PLCL1: variants seen among roughly 807,000 people sequenced by gnomAD.
PLCL1 encodes inactive phospholipase C-like protein 1.
PLCL1 carries 41 observed loss-of-function variants against 84.4 expected under a neutral mutation model. The ratio of observed to expected loss-of-function variants is 0.49; its 90% confidence interval spans 0.38 to 0.63. The LOEUF (loss-of-function observed/expected upper bound fraction) is 0.63. Among genes scored for constraint, PLCL1 ranks in the 30% least tolerant of loss-of-function variants. The pLI, the probability that PLCL1 is intolerant of heterozygous loss-of-function variation, is 0.00. For missense variants in PLCL1, 1,206 were observed against 1,367.8 expected (o/e 0.88, Z 1.87); for synonymous variants, 490 against 488.3 (o/e 1.00, Z -0.05).
At chr2:197,934,369 C>T (rs986859975) in intron 1 of PLCL1, among the ~76,000 whole-genome samples, 26 of 152,306 alleles carry the variant, frequency 1.7e-4, no homozygotes, top group African/African-American at 6.0e-4. Flanking sequence ...TGTAAATGTG[C>T]AGCTGTAGTG....
intron 1 of PLCL1, among the ~76,000 whole-genome samples, chr2:197,859,356 A>G (rs182417231): frequency 1.6e-4 from 25 of 152,262 alleles, no homozygotes; most frequent in Non-Finnish European, 2.9e-4. Context: ...CAGTTTTATA[A>G]ATTCTTAATC....
chr2:198,018,714 A>C (rs1691059191), intron 1 of PLCL1, among the ~76,000 whole-genome samples: 1 of 152,216 alleles, frequency 6.6e-6, no homozygotes, highest in African/African-American at 2.4e-5. Context: ...TCTCTGAAAG[A>C]AAGGCAGCAG....
At chr2:197,842,478 C>G (rs1414444284) in intron 1 of PLCL1, among the ~76,000 whole-genome samples, 4 of 152,138 alleles carry the variant, frequency 2.6e-5, no homozygotes, top group African/African-American at 9.7e-5. Context: ...CATCCCCCAT[C>G]AGCACCTCTA....
chr2:197,858,377 G>T (rs1209582573), intron 1 of PLCL1, among the ~76,000 whole-genome samples: 1 of 152,080 alleles, frequency 6.6e-6, no homozygotes, highest in African/African-American at 2.4e-5. Context: ...CCTCCAAAGG[G>T]CCTGAGCCAT....
At chr2:198,053,127 G>A (rs2105870414) in intron 1 of PLCL1, among the ~76,000 whole-genome samples, 3 of 152,246 alleles carry the variant, frequency 2.0e-5, no homozygotes, top group Middle Eastern at 6.8e-3. Flanking sequence ...ATCCTCTTGA[G>A]GCCATATTTC....
intron 1 of PLCL1, among the ~76,000 whole-genome samples, chr2:197,924,842 C>T (rs1288259473): frequency 6.6e-6 from 1 of 152,016 alleles, no homozygotes; most frequent in Non-Finnish European, 1.5e-5. Context: ...TTTAACGTTA[C>T]ATTTAGATAT....
chr2:197,909,899 C>G (rs1439042493), intron 1 of PLCL1, among the ~76,000 whole-genome samples: 1 of 152,070 alleles, frequency 6.6e-6, no homozygotes, highest in Non-Finnish European at 1.5e-5. Context: ...GAAGTGAGCT[C>G]TCTTTGAATC....
chr2:198,133,261 T>A (rs889853064), intron 5 of PLCL1, among the ~76,000 whole-genome samples: 4 of 150,972 alleles, frequency 2.6e-5, no homozygotes, highest in South Asian at 4.2e-4. Context: ...TCATTCTCAG[T>A]AAACTATCAC....
chr2:197,861,736 G>A (rs1221328021), intron 1 of PLCL1, among the ~76,000 whole-genome samples: 1 of 152,176 alleles, frequency 6.6e-6, no homozygotes, highest in Admixed American at 6.5e-5. Context: ...GTCTGCTGCA[G>A]AAGTGATTGC....
intron 1 of PLCL1, among the ~76,000 whole-genome samples, chr2:198,080,597 C>T (rs1369450789): frequency 6.6e-6 from 1 of 152,216 alleles, no homozygotes; most frequent in African/African-American, 2.4e-5. Flanking sequence ...TCTCTGAATC[C>T]AGACATTGTC....
intron 1 of PLCL1, among the ~76,000 whole-genome samples, chr2:197,933,669 G>T (rs1394842965): frequency 6.6e-6 from 1 of 152,146 alleles, no homozygotes; most frequent in African/African-American, 2.4e-5. Flanking sequence ...GCTAATGGAA[G>T]TCATTGGAAC....
intron 1 of PLCL1, among the ~76,000 whole-genome samples, chr2:198,021,910 C>G (rs1201613971): frequency 6.6e-6 from 1 of 151,984 alleles, no homozygotes; most frequent in African/African-American, 2.4e-5. Flanking sequence ...CCAGCATCGT[C>G]CTGATATGAA....
At chr2:198,110,369 C>T (rs1284018460) in intron 5 of PLCL1, among the ~76,000 whole-genome samples, 2 of 151,892 alleles carry the variant, frequency 1.3e-5, no homozygotes, top group African/African-American at 2.4e-5. Flanking sequence ...CTTCTCACTT[C>T]TCCGTGTGTA....
At chr2:197,965,823 A>G (rs192148584) in intron 1 of PLCL1, among the ~76,000 whole-genome samples, 2 of 152,252 alleles carry the variant, frequency 1.3e-5, no homozygotes, top group African/African-American at 4.8e-5. Context: ...CAGGAACAGG[A>G]GCATGTTGTT....
At chr2:198,092,997 T>C (rs941408698) in intron 3 of PLCL1, among the ~76,000 whole-genome samples, 11 of 152,222 alleles carry the variant, frequency 7.2e-5, no homozygotes, top group African/African-American at 2.7e-4. Flanking sequence ...TGATAAATTA[T>C]TAAATCCCCT....
intron 1 of PLCL1, among the ~76,000 whole-genome samples, chr2:198,037,399 G>A (rs1387462213): frequency 1.3e-5 from 2 of 152,196 alleles, no homozygotes; most frequent in Middle Eastern, 3.2e-3. Flanking sequence ...CTATTTAGAG[G>A]TTAATGTCCT....
At chr2:197,911,046 T>A (rs1323956979) in intron 1 of PLCL1, among the ~76,000 whole-genome samples, 1 of 152,168 alleles carries the variant, frequency 6.6e-6, no homozygotes, top group African/African-American at 2.4e-5. Flanking sequence ...TACACCTTAT[T>A]CAAAAACTCC....
At chr2:197,968,937 A>G (rs972292383) in intron 1 of PLCL1, among the ~76,000 whole-genome samples, 1 of 152,200 alleles carries the variant, frequency 6.6e-6, no homozygotes, top group Non-Finnish European at 1.5e-5. Context: ...CCCCCAGACC[A>G]CGGTCTGGTT....
chr2:198,017,177 T>C (rs971300956), intron 1 of PLCL1, among the ~76,000 whole-genome samples: 15 of 152,214 alleles, frequency 9.9e-5, no homozygotes, highest in African/African-American at 3.4e-4. Flanking sequence ...ATGATGCCCA[T>C]TTAACATGCT....
Sources: allele counts gnomAD v4.1 joint callset (sites outside exome capture counted in the v4.1 genomes callset), GRCh38; gene constraint gnomAD v4.1.1; transcripts MANE v1.5; gene names NCBI Gene and HGNC (gene_info 2026-07-23, HGNC 2026-07-21).